The following GTF2I variants were observed in gnomAD, a reference collection of about 807,000 sequenced individuals.
GTF2I encodes general transcription factor II-I.
GTF2I carries 12 observed loss-of-function variants against 67.6 expected under a neutral mutation model. The observed-to-expected ratio is 0.18, with a 90% CI of 0.11 to 0.29. The LOEUF (loss-of-function observed/expected upper bound fraction) is 0.29. GTF2I is among the 10% of genes least tolerant of loss of function. The pLI, the probability that GTF2I is intolerant of heterozygous loss-of-function variation, is 1.00. For synonymous variants in GTF2I, 149 were observed against 197.0 expected (o/e 0.76, Z 2.04); for missense variants, 271 against 580.1 (o/e 0.47, Z 5.47).
chr7:74,733,070 G>A (rs1162439359), intron 15 of GTF2I, among the ~76,000 whole-genome samples: 1 of 139,530 alleles, frequency 7.2e-6, no homozygotes, highest in Non-Finnish European at 1.5e-5. Flanking sequence ...AGGTTCAAGC[G>A]ATTCTCATGC....
chr7:74,673,939 A>G (rs1275495443), intron 1 of GTF2I, among the ~76,000 whole-genome samples: 4 of 152,032 alleles, frequency 2.6e-5, no homozygotes, highest in African/African-American at 9.7e-5. Context: ...TCGGCCTCCC[A>G]AAGTGCTGGG....
intron 1 of GTF2I, among the ~76,000 whole-genome samples, chr7:74,667,779 A>C (rs113401087): frequency 2.4e-4 from 36 of 151,672 alleles, no homozygotes; most frequent in African/African-American, 8.5e-4. Flanking sequence ...CTGCCTCCCA[A>C]AGTGCTGGGA....
chr7:74,708,022 G>A (rs1185232821), intron 8 of GTF2I, among the ~76,000 whole-genome samples: 4 of 152,106 alleles, frequency 2.6e-5, no homozygotes, highest in Admixed American at 2.6e-4. Flanking sequence ...ATTGTTGGCC[G>A]GGTGCAGTGG....
At chr7:74,704,280 A>ATTTATTTATTTT (rs1239554181) in intron 6 of GTF2I, among the ~76,000 whole-genome samples, 4 of 148,616 alleles carry the variant, frequency 2.7e-5, no homozygotes, top group Non-Finnish European at 6.0e-5. Context: ...TTATTTATTT[A>ATTTATTTATTTT]TTTATTTATT....
intron 9 of GTF2I, among the ~76,000 whole-genome samples, chr7:74,713,225 G>T (rs1372705276): frequency 6.6e-6 from 1 of 152,156 alleles, no homozygotes; most frequent in Non-Finnish European, 1.5e-5. Flanking sequence ...GTAGTAGCAG[G>T]ATAGAATAAG....
chr7:74,668,721 C>T (rs1554389516), intron 1 of GTF2I, among the ~76,000 whole-genome samples: 2 of 151,464 alleles, frequency 1.3e-5, no homozygotes, highest in African/African-American at 2.4e-5. Flanking sequence ...TTACAGGAGC[C>T]GGCCACCACG....
chr7:74,697,449 T>G (rs1414403363), intron 3 of GTF2I, among the ~76,000 whole-genome samples: 1 of 152,132 alleles, frequency 6.6e-6, no homozygotes, highest in Non-Finnish European at 1.5e-5. Context: ...TACCAAGTCT[T>G]CAAAATCCAG....
At position 74,700,275 on chromosome 7, in the gene GTF2I, A is replaced by G. The variant is rs2131338247; in HGVS notation, c.402A>G (p.Val134=). 1.2e-6 allele frequency: 2 copies of G among 1,614,198 alleles called. No individual in the cohort carries two copies. The highest frequency in any genetic ancestry group is 1.7e-6 in the Non-Finnish European group (2 of 1,180,032). Residue 134 remains valine (V), a synonymous_variant, in exon 5 of 35, where the codon GTA becomes GTG. Transcript: ENST00000573035. The stretch of plus-strand genomic sequence containing the variant: ...AAGCTTTAGGCAAATCCACAGTGGT[A>G]CCTGTACCATATGAGAAGATGCTGC... The part of the protein sequence containing the change: ...YGKALGKSTV[V]PVPYEKMLRD...
chr7:74,749,842 C>T (rs1181901692), intron 26 of GTF2I, among the ~76,000 whole-genome samples: 108 of 127,148 alleles, frequency 8.5e-4, no homozygotes, highest in African/African-American at 2.5e-3. Context: ...GAGCCAAGAT[C>T]GTGCCACTGC....
At chr7:74,685,339 T>C (rs1258630098) in intron 1 of GTF2I, among the ~76,000 whole-genome samples, 4 of 152,020 alleles carry the variant, frequency 2.6e-5, no homozygotes, top group Non-Finnish European at 5.9e-5. Context: ...CTACTAAAAA[T>C]ACAAAAAATT....
At chr7:74,727,440 C>G (rs1165243344) in intron 12 of GTF2I, 1 of 152,216 alleles carries the variant, frequency 6.6e-6, no homozygotes, top group African/African-American at 2.4e-5. Context: ...TGGAGTTACA[C>G]ACACACAGTC....
intron 3 of GTF2I, among the ~76,000 whole-genome samples, chr7:74,694,252 A>AGCTGCAGAAG: frequency 6.6e-6 from 1 of 152,288 alleles, no homozygotes. Flanking sequence ...CTGCAGAAGA[A>AGCTGCAGAAG]AAATTGGAAG....
At chr7:74,682,528 G>A (rs1169919362) in intron 1 of GTF2I, among the ~76,000 whole-genome samples, 2 of 152,168 alleles carry the variant, frequency 1.3e-5, no homozygotes, top group African/African-American at 2.4e-5. Flanking sequence ...TCTACTGGGT[G>A]GGCCAAGGAA....
At chr7:74,723,759 T>A (rs1793408364) in intron 12 of GTF2I, among the ~76,000 whole-genome samples, 1 of 151,806 alleles carries the variant, frequency 6.6e-6, no homozygotes, top group Non-Finnish European at 1.5e-5. Flanking sequence ...TAGTGAATAA[T>A]TCAGTGGCAA....
intron 1 of GTF2I, among the ~76,000 whole-genome samples, chr7:74,662,745 A>C (rs587724477): frequency 6.6e-6 from 1 of 151,936 alleles, no homozygotes; most frequent in African/African-American, 2.4e-5. Context: ...GCTTGTCTCC[A>C]ACTCCTGACC....
At chr7:74,687,073 T>C (rs1562949906) in intron 1 of GTF2I, among the ~76,000 whole-genome samples, 1 of 151,672 alleles carries the variant, frequency 6.6e-6, no homozygotes, top group Admixed American at 6.6e-5. Flanking sequence ...GTATTTTTAG[T>C]AGAGACAGTG....
rs963252581 is a variant in GTF2I at position 74,681,844 on chromosome 7, G to T, written c.-5-7280G>T. 3.3e-5 allele frequency among the ~76,000 whole-genome samples: 5 copies of T among 152,060 alleles called. No homozygotes were observed. In the East Asian group the frequency reaches 9.6e-4, roughly 29 times the overall value. On this transcript the variant is annotated intron_variant, in intron 1 of 34. Transcript: ENST00000573035. ...GGAGAATCACTTGAACCCAGGAGGT[G>T]GAGGTTGCAGTGAGTTGAGATTGTG...
At chr7:74,752,720 G>GA (rs57948219) in intron 28 of GTF2I, among the ~76,000 whole-genome samples, 5,080 of 86,534 alleles carry the variant, frequency 0.059, 2 homozygotes, top group African/African-American at 0.21. Context: ...CTCCATCTGG[G>GA]AAAAAAAAAA....
chr7:74,665,336 C>T (rs1364725973), intron 1 of GTF2I, among the ~76,000 whole-genome samples: 1 of 152,048 alleles, frequency 6.6e-6, no homozygotes, highest in African/African-American at 2.4e-5. Flanking sequence ...ACTACAACCC[C>T]TGCCTCTCGG....
Sources: allele counts gnomAD v4.1 joint callset (sites outside exome capture counted in the v4.1 genomes callset), GRCh38; gene constraint gnomAD v4.1.1; transcripts MANE v1.5; gene names NCBI Gene and HGNC (gene_info 2026-07-23, HGNC 2026-07-21).